Variants in CYRIA observed in about 807,000 individuals in gnomAD.
CYRIA encodes the protein CYFIP related Rac1 interactor A, also known as CYFIP-related Rac1 interactor A.
CYRIA carries 15 observed loss-of-function variants against 43.9 expected under a neutral mutation model. The observed-to-expected ratio is 0.34, with a 90% CI of 0.23 to 0.53. The LOEUF (loss-of-function observed/expected upper bound fraction) is 0.53. Among genes scored for constraint, CYRIA ranks in the 20% least tolerant of loss-of-function variants. CYRIA has a pLI of 0.94. For synonymous variants in CYRIA, 117 were observed against 136.0 expected (o/e 0.86, Z 0.97); for missense variants, 236 against 394.2 (o/e 0.60, Z 3.40).
chr2:16,588,296 T>C (rs1215750358), intron 2 of CYRIA, among the ~76,000 whole-genome samples, 167 bp from the exon 3 acceptor site: 1 of 152,070 alleles, frequency 6.6e-6, no homozygotes, highest in Non-Finnish European at 1.5e-5. Flanking sequence ...TGGTGACAGA[T>C]AAATATCTCT....
chr2:16,576,750 C>T (rs1057504618), intron 3 of CYRIA, among the ~76,000 whole-genome samples: 14 of 151,884 alleles, frequency 9.2e-5, no homozygotes, highest in African/African-American at 3.4e-4. Context: ...AAAAATTGAA[C>T]CAAAAGTATT....
chr2:16,570,489 G>T (rs576709189), intron 3 of CYRIA, among the ~76,000 whole-genome samples: 288 of 152,238 alleles, frequency 1.9e-3, no homozygotes, highest in African/African-American at 6.8e-3. Context: ...TTTGCCATCT[G>T]GAAAATCCCT....
At chr2:16,590,323 T>C (rs150621675) in intron 2 of CYRIA, among the ~76,000 whole-genome samples, 6 of 152,182 alleles carry the variant, frequency 3.9e-5, no homozygotes, top group Non-Finnish European at 8.8e-5. Flanking sequence ...GGAAATGATC[T>C]GTCTCCAGAT....
intron 1 of CYRIA, among the ~76,000 whole-genome samples, chr2:16,658,070 A>G (rs777738574): frequency 6.1e-4 from 93 of 152,352 alleles, no homozygotes; most frequent in Middle Eastern, 3.4e-3. Context: ...TTTAAAAAAT[A>G]AGAAAAAGAC....
chr2:16,568,141 A>G (rs1667007629), intron 3 of CYRIA, among the ~76,000 whole-genome samples: 1 of 152,026 alleles, frequency 6.6e-6, no homozygotes, highest in African/African-American at 2.4e-5. Context: ...TGCAACAAAG[A>G]AAATTCTCAC....
chr2:16,641,913 TATC>T (rs1669688563), intron 1 of CYRIA, among the ~76,000 whole-genome samples: 1 of 152,212 alleles, frequency 6.6e-6, no homozygotes, highest in African/African-American at 2.4e-5. Context: ...ACAATTGAGT[TATC>T]ATCCCTTTTA....
At chr2:16,567,801 T>C (rs1192578067) in intron 3 of CYRIA, among the ~76,000 whole-genome samples, 4 of 151,976 alleles carry the variant, frequency 2.6e-5, no homozygotes, top group African/African-American at 9.7e-5. Context: ...AGTAAGGAGG[T>C]ACTGGAATGT....
chr2:16,652,123 C>G (rs1669990450), intron 1 of CYRIA, among the ~76,000 whole-genome samples: 1 of 152,170 alleles, frequency 6.6e-6, no homozygotes, highest in Non-Finnish European at 1.5e-5. Flanking sequence ...GGGGTCCATC[C>G]TTTGACACCC....
At chr2:16,583,815 G>A (rs1558413378) in intron 3 of CYRIA, among the ~76,000 whole-genome samples, 1 of 152,186 alleles carries the variant, frequency 6.6e-6, no homozygotes, top group Non-Finnish European at 1.5e-5. Context: ...CAACAACAAA[G>A]ATGTTAAGTG....
chr2:16,611,872 G>T (rs1309837417), intron 2 of CYRIA, among the ~76,000 whole-genome samples: 2 of 152,152 alleles, frequency 1.3e-5, no homozygotes, highest in Non-Finnish European at 2.9e-5. Context: ...GCCATTGCCA[G>T]CTCCCAGTCT....
chr2:16,583,327 A>G (rs1262079552), intron 3 of CYRIA, among the ~76,000 whole-genome samples: 1 of 152,194 alleles, frequency 6.6e-6, no homozygotes, highest in Non-Finnish European at 1.5e-5. Context: ...GGAGCTCAAA[A>G]AGTTGCATGG....
chr2:16,566,098 T>C (rs1484522824), intron 3 of CYRIA, among the ~76,000 whole-genome samples: 1 of 152,232 alleles, frequency 6.6e-6, no homozygotes, highest in African/African-American at 2.4e-5. Context: ...AAGCATTGTC[T>C]TTTTGAGTCC....
At position 16,564,114 on chromosome 2, in the gene CYRIA, C is replaced by T. The variant is rs761996192; in HGVS notation, c.193-20G>A. 4.4e-6 allele frequency: 7 copies of T among 1,586,200 alleles called. No individual in the cohort carries two copies. In the South Asian group the frequency reaches 7.8e-5, roughly 18 times the overall value. On this transcript the variant is annotated intron_variant, in intron 4 of 11. Coordinates refer to ENST00000381323, the MANE Select transcript of CYRIA (RefSeq NM_030797.4). ...AATTGCCTGCAAAAACACAGTAGAG[C>T]TGACTGTTTAAAAAGAAGTGGTAAG...
chr2:16,569,309 C>T (rs770721952), intron 3 of CYRIA, among the ~76,000 whole-genome samples: 1 of 152,160 alleles, frequency 6.6e-6, no homozygotes, highest in African/African-American at 2.4e-5. Context: ...CCCTAAGAAA[C>T]TGTTTCTTTT....
chr2:16,555,971 G>T (rs1361468086), intron 10 of CYRIA, among the ~76,000 whole-genome samples: 1 of 152,088 alleles, frequency 6.6e-6, no homozygotes, highest in Non-Finnish European at 1.5e-5. Context: ...GTATAATATA[G>T]TTGACCCGTA....
chr2:16,622,205 G>A (rs1320214054), intron 2 of CYRIA, among the ~76,000 whole-genome samples: 2 of 152,162 alleles, frequency 1.3e-5, no homozygotes, highest in African/African-American at 2.4e-5. Flanking sequence ...AAAAGCCACC[G>A]GGAGGGAATT....
intron 1 of CYRIA, among the ~76,000 whole-genome samples, chr2:16,647,344 T>C (rs983268024): frequency 6.6e-6 from 1 of 152,202 alleles, no homozygotes; most frequent in Non-Finnish European, 1.5e-5. Flanking sequence ...ATGTCTAAAT[T>C]TGAAGCAGGT....
chr2:16,638,006 G>A (rs1034825504), intron 1 of CYRIA, among the ~76,000 whole-genome samples: 2 of 152,168 alleles, frequency 1.3e-5, no homozygotes, highest in African/African-American at 4.8e-5. Context: ...TAAGTGTGGT[G>A]CTGAGGGCCT....
At chr2:16,592,023 C>T (rs1667949763) in intron 2 of CYRIA, among the ~76,000 whole-genome samples, 1 of 151,962 alleles carries the variant, frequency 6.6e-6, no homozygotes, top group African/African-American at 2.4e-5. Context: ...AAATTCATTC[C>T]TGTGGGGAGG....
Sources: gnomAD v4.1 joint callset for allele counts (sites outside exome capture counted in the v4.1 genomes callset) on GRCh38, gnomAD v4.1.1 for gene constraint, MANE v1.5 for transcripts, NCBI Gene and HGNC (gene_info 2026-07-23, HGNC 2026-07-21) for gene names.